SLC5A7: variants seen among roughly 807,000 people sequenced by gnomAD.
SLC5A7 encodes the protein high affinity choline transporter 1.
In SLC5A7, 19 loss-of-function variants were observed where a neutral mutation model predicts 55.4. The ratio of observed to expected loss-of-function variants is 0.34; its 90% CI spans 0.24 to 0.50. SLC5A7 has a LOEUF of 0.50. Ranked by LOEUF, SLC5A7 falls within the 20% of genes least tolerant of loss-of-function variation. The pLI is 0.98. For missense variants in SLC5A7, 506 were observed against 705.3 expected (o/e 0.72, Z 3.20); for synonymous variants, 265 against 263.7 (o/e 1.00, Z -0.05).
chr2:108,010,511 T>C lies in SLC5A7; in HGVS notation c.1393T>C (p.Tyr465His). Residue 465 changes from tyrosine to histidine, a missense_variant, in exon 9 of 9, where the codon TAT (tyrosine) becomes CAT (histidine). Physicochemically the swap from Tyr to His is moderately conservative, Grantham distance 83. This residue lies in a region of SLC5A7 where 137 missense variants were observed against 143.6 expected (regional missense o/e 0.95). Transcript: ENST00000264047. ...TCAGCCCTTGATCTTCTACCCTGGC[T>C]ATTACCCTGATGATAATGGTATATA... ...YLQPLIFYPG[Y>H]YPDDNGIYNQ... 6.2e-7 allele frequency: 1 copy of C among 1,613,992 alleles called. No individual in the cohort carries two copies. Among genetic ancestry groups the C allele is most frequent in the South Asian group, 1.1e-5 (1 of 91,082 alleles).
rs886039766 is a variant in SLC5A7 at position 107,992,992 on chromosome 2, C to T, written c.313C>T (p.Pro105Ser). The T allele has an allele frequency of 1.2e-6, 2 of 1,614,158 alleles. No individual in the cohort carries two copies. Among genetic ancestry groups the T allele is most frequent in the Non-Finnish European group, 1.7e-6 (2 of 1,180,010 alleles). ...LILGGLFFAK[P>S]MRSKGYVTML... is the part of the protein sequence containing the mutation. ...TTTAGGTGGCCTGTTCTTTGCAAAACCTATGCGTTCAAAGGGGTATGTGAC... is the reference window on the plus strand; with the variant it reads ...TTTAGGTGGCCTGTTCTTTGCAAAATCTATGCGTTCAAAGGGGTATGTGAC... Residue 105 changes from proline to serine, a missense_variant, in exon 4 of 9, where the codon CCT (proline) becomes TCT (serine). Physicochemically the swap from Pro to Ser is moderately conservative, Grantham distance 74. This residue lies in a region of SLC5A7 where 309 missense variants were observed against 478.6 expected (regional missense o/e 0.65). Coordinates refer to ENST00000264047, the MANE Select transcript of SLC5A7 (RefSeq NM_021815.5).
intron 4 of SLC5A7, among the ~76,000 whole-genome samples, chr2:107,995,065 G>T (rs1558862209): frequency 6.6e-6 from 1 of 152,174 alleles, no homozygotes; most frequent in Non-Finnish European, 1.5e-5. Context: ...CATTCTGAGA[G>T]ATGCATCAGC....
At chr2:108,003,522 T>C (rs936712582) in intron 6 of SLC5A7, among the ~76,000 whole-genome samples, 2 of 152,220 alleles carry the variant, frequency 1.3e-5, no homozygotes, top group Non-Finnish European at 2.9e-5. Flanking sequence ...GAAATTGGCC[T>C]TGAAATGTTG....
At chr2:108,003,285 CATT>C (rs1449675616) in intron 6 of SLC5A7, among the ~76,000 whole-genome samples, 1 of 152,156 alleles carries the variant, frequency 6.6e-6, no homozygotes, top group African/African-American at 2.4e-5. Flanking sequence ...ATAATCACAT[CATT>C]GTCTGAGTTA....
chr2:108,008,714 C>T (rs1558871295), intron 8 of SLC5A7, 32 bp downstream of exon 8: 1 of 1,558,460 alleles, frequency 6.4e-7, no homozygotes. Flanking sequence ...CTGACATTTA[C>T]TAGCATTGCT....
chr2:108,007,889 C>T (rs920480147), intron 7 of SLC5A7, among the ~76,000 whole-genome samples: 3 of 152,174 alleles, frequency 2.0e-5, no homozygotes, highest in African/African-American at 7.2e-5. Context: ...CTACCCACAA[C>T]CAAAACTTCC....
chr2:108,000,285 A>T (rs1190995319), intron 5 of SLC5A7, among the ~76,000 whole-genome samples: 1 of 152,032 alleles, frequency 6.6e-6, no homozygotes, highest in East Asian at 1.9e-4. Context: ...CTTATATGTC[A>T]CCCATGTATT....
At chr2:108,000,318 T>G (rs1346088084) in intron 5 of SLC5A7, among the ~76,000 whole-genome samples, 2 of 152,208 alleles carry the variant, frequency 1.3e-5, no homozygotes, top group African/African-American at 4.8e-5. Context: ...ATTTTCTTAT[T>G]ACTTTAATGA....
chr2:108,012,883 C>G lies in SLC5A7; in HGVS notation c.*2022C>G, dbSNP rs907321104. On this transcript the variant is annotated 3_prime_UTR_variant, in exon 9 of 9. Coordinates refer to ENST00000264047, the MANE Select transcript of SLC5A7 (RefSeq NM_021815.5). Reference sequence around the variant, plus strand: ...AATTGCTGGAGACTACAATTCCTGGCAAACACCATTATTCCAGATGCACCA... The same window carrying G: ...AATTGCTGGAGACTACAATTCCTGGGAAACACCATTATTCCAGATGCACCA... 9 of 152,110 alleles carry G rather than the reference C, an allele frequency of 5.9e-5. No individual in the cohort carries two copies. Among genetic ancestry groups the G allele is most frequent in the African/African-American group, 1.7e-4 (7 of 41,436 alleles). 9.4% of individuals were successfully genotyped at this position (152,110 alleles called of 1,614,324 possible). A position where few individuals can be genotyped will look rare whatever the true frequency, so the allele number is the denominator to read the frequency against.
At chr2:107,994,566 A>T (rs1300192708) in intron 4 of SLC5A7, among the ~76,000 whole-genome samples, 1 of 152,150 alleles carries the variant, frequency 6.6e-6, no homozygotes, top group African/African-American at 2.4e-5. Context: ...AGCCTGGGCG[A>T]CAGAGTGAGA....
intron 7 of SLC5A7, among the ~76,000 whole-genome samples, chr2:108,007,511 T>C (rs1236503339): frequency 6.6e-6 from 1 of 152,058 alleles, no homozygotes; most frequent in African/African-American, 2.4e-5. Flanking sequence ...TGTCTGTGTG[T>C]GTGTGTTTAT....
chr2:108,003,508 T>C (rs762885111), intron 6 of SLC5A7, among the ~76,000 whole-genome samples: 2 of 152,202 alleles, frequency 1.3e-5, no homozygotes, highest in African/African-American at 2.4e-5. Flanking sequence ...ATGAATGAAC[T>C]ATAGAAATTG....
rs1677738344 is a variant in SLC5A7, at chr2:107,997,954, G to A, written c.565G>A (p.Val189Ile). Residue 189 changes from valine (V) to isoleucine (I), a missense_variant, in exon 5 of 9, where the codon GTC (valine) becomes ATC (isoleucine). Transcript: ENST00000264047. ...GCTCTATTCTGTGGCCTACACTGAT[G>A]TCGTTCAGCTCTTTTGCATTTTTGT... ...GGLYSVAYTD[V>I]VQLFCIFVGL... 1 of 1,613,344 alleles carries A rather than the reference G, an allele frequency of 6.2e-7. No homozygotes were observed. The highest frequency in any genetic ancestry group is 8.5e-7 in the Non-Finnish European group (1 of 1,179,578).
intron 6 of SLC5A7, among the ~76,000 whole-genome samples, chr2:108,003,510 T>C (rs1236432945): frequency 6.6e-6 from 1 of 152,206 alleles, no homozygotes; most frequent in Non-Finnish European, 1.5e-5. Context: ...GAATGAACTA[T>C]AGAAATTGGC....
rs1573591981 is a variant in SLC5A7 at position 107,992,116 on chromosome 2, C to T, written c.189C>T (p.Val63=). The change falls in exon 3 of 9, where the codon GTC becomes GTT. Residue 63 remains valine (V), a synonymous_variant. Transcript: ENST00000264047. ...VGGFTMTATW[V]GGGYINGTAE... ...TTCATTCTGTTTCAGCTACCTGGGT[C>T]GGAGGAGGGTATATCAATGGCACAG... 4.3e-6 allele frequency: 7 copies of T among 1,611,352 alleles called. No homozygotes were observed. Among genetic ancestry groups the T allele is most frequent in the African/African-American group, 1.3e-5 (1 of 74,948 alleles).
At chr2:108,004,077 A>G (rs1436124615) in intron 6 of SLC5A7, among the ~76,000 whole-genome samples, 2 of 152,180 alleles carry the variant, frequency 1.3e-5, no homozygotes, top group African/African-American at 2.4e-5. Flanking sequence ...ACCTCTGAAT[A>G]GTATCATGTT....
chr2:108,001,822 G>C (rs1232575487), intron 5 of SLC5A7, 75 bp from the exon 6 acceptor site: 2 of 1,514,550 alleles, frequency 1.3e-6, no homozygotes, highest in African/African-American at 1.4e-5. Context: ...TGCAGTGTGT[G>C]AGGTGTACAA....
At position 108,008,881 on chromosome 2, in the gene SLC5A7, A is replaced by G. The variant is rs151205822; in HGVS notation, c.1113+199A>G. On this transcript the variant is annotated intron_variant, in intron 8 of 8. Transcript: ENST00000264047. ...TCAGTACCTGTTCTTATTCATGTCA[A>G]TACTAAAGGGAACAAATCAATATAA... is the stretch of plus-strand genomic sequence containing the variant. Among the ~76,000 whole-genome samples the G allele has an allele frequency of 2.6e-3, 388 of 151,282 alleles. 2 individuals carry two copies. The highest frequency in any genetic ancestry group is 8.9e-3 in the African/African-American group (368 of 41,150).
At chr2:108,002,950 A>G (rs992565928) in intron 6 of SLC5A7, among the ~76,000 whole-genome samples, 2 of 152,198 alleles carry the variant, frequency 1.3e-5, no homozygotes, top group African/African-American at 4.8e-5. Flanking sequence ...AAGGTTGGCA[A>G]TATTGTATGA....
Sources: gnomAD v4.1 joint callset for allele counts (sites outside exome capture counted in the v4.1 genomes callset) on GRCh38, gnomAD v4.1.1 for gene constraint, gnomAD v4.1.1 regional missense constraint, MANE v1.5 for transcripts, NCBI Gene and HGNC (gene_info 2026-07-23, HGNC 2026-07-21) for gene names.